The following PHKB variants were observed in gnomAD, a reference collection of about 807,000 sequenced individuals.
The protein encoded by PHKB is phosphorylase kinase regulatory subunit beta, also known as phosphorylase b kinase regulatory subunit beta.
Under a neutral mutation model 152.1 loss-of-function variants are expected in PHKB, and 122 were observed. That is an observed-to-expected ratio of 0.80 (90% confidence interval 0.69 to 0.93). The LOEUF is 0.93. PHKB is among the 40% of genes least tolerant of loss of function. PHKB has a pLI of 0.00. For missense variants in PHKB, 1,304 were observed against 1,328.4 expected (o/e 0.98, Z 0.29); for synonymous variants, 436 against 464.9 (o/e 0.94, Z 0.80).
intron 26 of PHKB, among the ~76,000 whole-genome samples, chr16:47,681,962 C>T (rs867790833): frequency 6.6e-6 from 1 of 152,140 alleles, no homozygotes; most frequent in African/African-American, 2.4e-5. Context: ...TTAGGGCAGG[C>T]CTGGTGGTGA....
intron 28 of PHKB, 60 bp downstream of exon 28, chr16:47,693,567 T>C: frequency 6.4e-7 from 1 of 1,569,670 alleles, no homozygotes; most frequent in Non-Finnish European, 8.8e-7. Context: ...GTGAATCCTT[T>C]CCTCTTGCAC....
rs143679417 is a variant in PHKB at position 47,644,120 on chromosome 16, G to C, written c.1608+2428G>C. Among the ~76,000 whole-genome samples the C allele has an allele frequency of 8.3e-3, 1,266 of 152,094 alleles. 17 individuals carry two copies. The highest frequency in any genetic ancestry group is 0.029 in the African/African-American group (1,195 of 41,484). ...TAATAAAGAGTAGTATTTAAAGGAC[G>C]CCCACCTAGATCAACACATTTTACC... is the stretch of plus-strand genomic sequence containing the variant. On this transcript the variant is annotated intron_variant, in intron 16 of 30. Transcript: ENST00000323584.
At chr16:47,584,962 G>C (rs1355950441) in intron 8 of PHKB, among the ~76,000 whole-genome samples, 1 of 152,154 alleles carries the variant, frequency 6.6e-6, no homozygotes, top group Non-Finnish European at 1.5e-5. Flanking sequence ...TGGTACCCTT[G>C]GCCTTAGGGA....
chr16:47,602,127 C>T (rs1441216279), intron 13 of PHKB, among the ~76,000 whole-genome samples: 1 of 152,128 alleles, frequency 6.6e-6, no homozygotes, highest in Non-Finnish European at 1.5e-5. Flanking sequence ...GTGGTACCAT[C>T]ATAGCTCAAT....
intron 26 of PHKB, among the ~76,000 whole-genome samples, chr16:47,679,579 A>T (rs1597173994): frequency 6.6e-6 from 1 of 152,088 alleles, no homozygotes; most frequent in South Asian, 2.1e-4. Flanking sequence ...TTTGTCTGTT[A>T]TTGGTGTCTA....
chr16:47,677,756 C>G (rs1271924762), intron 26 of PHKB, among the ~76,000 whole-genome samples: 3 of 151,768 alleles, frequency 2.0e-5, no homozygotes, highest in African/African-American at 7.3e-5. Flanking sequence ...TAGTTAAATG[C>G]ACAAAATCAT....
At position 47,642,810 on chromosome 16, in the gene PHKB, A is replaced by G. The variant is rs570211054; in HGVS notation, c.1608+1118A>G. On this transcript the variant is annotated intron_variant, in intron 16 of 30. Transcript: ENST00000323584. ...AAATTTAACCACCACTACCCTGCCAAGAGATAAAGCTGAAAATACAAGGAT... is the reference window on the plus strand; with the variant it reads ...AAATTTAACCACCACTACCCTGCCAGGAGATAAAGCTGAAAATACAAGGAT... Among the ~76,000 whole-genome samples, 4 of 152,212 alleles carry G rather than the reference A, an allele frequency of 2.6e-5. No homozygotes were observed. In the South Asian group the frequency reaches 8.3e-4, roughly 32 times the overall value.
chr16:47,564,965 T>A (rs1430149249), intron 7 of PHKB: 1 of 249,874 alleles, frequency 4.0e-6, no homozygotes, highest in Non-Finnish European at 7.9e-6. Flanking sequence ...TGTCTTTTTT[T>A]TTTTTTCCCC....
chr16:47,488,602 A>G (rs1227255766), intron 1 of PHKB, among the ~76,000 whole-genome samples: 2 of 152,220 alleles, frequency 1.3e-5, no homozygotes, highest in Admixed American at 1.3e-4. Context: ...TCTTTAATCC[A>G]CTATGAGCTG....
intron 7 of PHKB, among the ~76,000 whole-genome samples, chr16:47,575,948 T>C (rs1189428951): frequency 1.3e-5 from 2 of 152,034 alleles, no homozygotes; most frequent in Non-Finnish European, 2.9e-5. Flanking sequence ...TGGTGGTGCA[T>C]GCCTGTACTC....
At chr16:47,542,473 G>C (rs1035009469) in intron 6 of PHKB, among the ~76,000 whole-genome samples, 2 of 152,080 alleles carry the variant, frequency 1.3e-5, no homozygotes, top group Admixed American at 1.3e-4. Flanking sequence ...GGATTCTCTT[G>C]GCAATGCGGG....
intron 17 of PHKB, 88 bp from the exon 18 acceptor site, chr16:47,649,012 G>C (rs543932893): frequency 1.0e-5 from 8 of 786,776 alleles, no homozygotes; most frequent in Admixed American, 7.1e-5. Context: ...TTAGACATCA[G>C]TTTTTATTTT....
chr16:47,580,473 G>C (rs1971823992), intron 8 of PHKB, 115 bp downstream of exon 8: 2 of 766,402 alleles, frequency 2.6e-6, no homozygotes, highest in East Asian at 5.3e-5. Context: ...AATTTATGTA[G>C]AAGCTCATGC....
intron 14 of PHKB, among the ~76,000 whole-genome samples, chr16:47,621,698 A>G (rs1258886169): frequency 6.6e-6 from 1 of 152,204 alleles, no homozygotes; most frequent in African/African-American, 2.4e-5. Context: ...AGTTCTTATG[A>G]TTATCTTAGT....
At chr16:47,613,234 T>C (rs561513553) in intron 14 of PHKB, among the ~76,000 whole-genome samples, 3 of 152,192 alleles carry the variant, frequency 2.0e-5, no homozygotes, top group East Asian at 3.9e-4. Flanking sequence ...CAGAATAAAA[T>C]CAGCAAAAGG....
intron 7 of PHKB, chr16:47,566,327 C>T: frequency 7.6e-7 from 1 of 1,308,176 alleles, no homozygotes; most frequent in Non-Finnish European, 1.1e-6. Context: ...TGTCATAATC[C>T]CCATTTCTAT....
chr16:47,598,174 A>G (rs1363165899), intron 13 of PHKB: 7 of 152,718 alleles, frequency 4.6e-5, no homozygotes, highest in African/African-American at 1.4e-4. Context: ...ATAATTTCAA[A>G]TTTTATCACC....
At chr16:47,480,142 A>G (rs1266322917) in intron 1 of PHKB, among the ~76,000 whole-genome samples, 1 of 152,196 alleles carries the variant, frequency 6.6e-6, no homozygotes, top group Non-Finnish European at 1.5e-5. Context: ...TCCTTTCAGT[A>G]GGGAGCTCTG....
intron 1 of PHKB, chr16:47,463,645 A>G (rs919820293): frequency 6.6e-5 from 28 of 423,658 alleles, no homozygotes; most frequent in Non-Finnish European, 1.2e-4. Flanking sequence ...TGCACAACAG[A>G]GGATACTACT....
Sources: allele counts gnomAD v4.1 joint callset (sites outside exome capture counted in the v4.1 genomes callset), GRCh38; gene constraint gnomAD v4.1.1; transcripts MANE v1.5; gene names NCBI Gene and HGNC (gene_info 2026-07-23, HGNC 2026-07-21).